The following CAMTA1 variants were observed in gnomAD, a reference collection of about 807,000 sequenced individuals.
CAMTA1 encodes calmodulin binding transcription activator 1.
Under a neutral mutation model 170.9 loss-of-function variants are expected in CAMTA1, and 27 were observed. That is an observed-to-expected ratio of 0.16 (90% CI 0.12 to 0.22). CAMTA1 has a LOEUF of 0.22. CAMTA1 is among the 10% of genes least tolerant of loss of function. CAMTA1 has a pLI of 1.00. For synonymous variants in CAMTA1, 833 were observed against 891.5 expected (o/e 0.93, Z 1.17); for missense variants, 1,619 against 2,217.2 (o/e 0.73, Z 5.42).
chr1:6,912,238 A>C (rs1389209231), intron 3 of CAMTA1, among the ~76,000 whole-genome samples: 1 of 152,230 alleles, frequency 6.6e-6, no homozygotes, highest in Non-Finnish European at 1.5e-5. Flanking sequence ...AATGGAGTTC[A>C]TTGGCTTGAG....
At chr1:7,538,918 T>C (rs920827208) in intron 6 of CAMTA1, among the ~76,000 whole-genome samples, 17 of 152,146 alleles carry the variant, frequency 1.1e-4, no homozygotes, top group African/African-American at 4.1e-4. Flanking sequence ...TTCCTGAAAA[T>C]GTACCCAAGC....
At position 7,748,215 on chromosome 1, in the gene CAMTA1, G is replaced by C. The variant is rs937418034; in HGVS notation, c.4689+434G>C. Reference sequence around the variant, plus strand: ...GCATGAGCCGCAGCGCCCGGCCAGAGACTTAATTTGAACTGCCATGATAAA... The same window carrying C: ...GCATGAGCCGCAGCGCCCGGCCAGACACTTAATTTGAACTGCCATGATAAA... On this transcript the variant is annotated intron_variant, in intron 19 of 22. Transcript: ENST00000303635. This position sits in a 1 kb window ranked among gnomAD's most constrained non-coding sequence, Gnocchi z 4.7. Among the ~76,000 whole-genome samples, 25 of 151,648 alleles carry C rather than the reference G, an allele frequency of 1.6e-4. No individual in the cohort carries two copies. Among genetic ancestry groups the C allele is most frequent in the Non-Finnish European group, 3.2e-4 (22 of 67,948 alleles).
intron 5 of CAMTA1, among the ~76,000 whole-genome samples, chr1:7,262,300 G>A (rs1811131): frequency 0.32 from 49,354 of 151,906 alleles, 8,377 homozygotes; most frequent in South Asian, 0.54. Flanking sequence ...GGTGGCTCAC[G>A]TCTGTAATCC....
At chr1:6,790,596 G>A (rs952709265) in intron 1 of CAMTA1, among the ~76,000 whole-genome samples, 12 of 151,734 alleles carry the variant, frequency 7.9e-5, no homozygotes, top group Admixed American at 5.3e-4. Context: ...TTTTTTCTTC[G>A]GATTAACTGG....
chr1:7,097,270 G>A (rs970408412), intron 4 of CAMTA1, among the ~76,000 whole-genome samples: 3 of 152,250 alleles, frequency 2.0e-5, no homozygotes, highest in African/African-American at 7.2e-5. Flanking sequence ...CACAGCCTGT[G>A]TGCAGGGAGG....
chr1:7,405,507 A>G (rs2090223065), intron 5 of CAMTA1, among the ~76,000 whole-genome samples: 1 of 151,318 alleles, frequency 6.6e-6, no homozygotes, highest in African/African-American at 2.4e-5. Flanking sequence ...AATAGTTGAT[A>G]CTACAGGCAT....
At chr1:7,387,806 A>G (rs984498588) in intron 5 of CAMTA1, among the ~76,000 whole-genome samples, 2 of 152,214 alleles carry the variant, frequency 1.3e-5, no homozygotes, top group Admixed American at 1.3e-4. Context: ...GTCAGAAGGA[A>G]TTTCCAGCAA....
At chr1:7,571,185 C>T (rs2095121361) in intron 6 of CAMTA1, among the ~76,000 whole-genome samples, 2 of 152,206 alleles carry the variant, frequency 1.3e-5, no homozygotes, top group Admixed American at 1.3e-4. Context: ...ATCAAGGTCC[C>T]AGTAGACTTA....
rs530128738 is a variant in CAMTA1 at position 7,393,478 on chromosome 1, A to G, written c.439-74352A>G. Among the ~76,000 whole-genome samples the G allele has an allele frequency of 5.9e-5, 9 of 152,096 alleles. No individual in the cohort carries two copies. In the South Asian group the frequency reaches 6.2e-4, roughly 11 times the overall value. On this transcript the variant is annotated intron_variant, in intron 5 of 22. Coordinates refer to ENST00000303635, the MANE Select transcript of CAMTA1 (RefSeq NM_015215.4). ...TTTTTTGTAGAGATAGGGTCTCCCT[A>G]TGTTGCCCAGGCTGGTCTCCAACTC...
At chr1:7,328,332 C>CA (rs1022228610) in intron 5 of CAMTA1, among the ~76,000 whole-genome samples, 7 of 132,174 alleles carry the variant, frequency 5.3e-5, no homozygotes, top group East Asian at 2.4e-4. Context: ...TTCTTACAAG[C>CA]AAAAAAAAAT....
At chr1:6,848,859 G>A (rs181373426) in intron 3 of CAMTA1, among the ~76,000 whole-genome samples, 2 of 152,156 alleles carry the variant, frequency 1.3e-5, no homozygotes, top group East Asian at 3.9e-4. Flanking sequence ...TAGATGAAGA[G>A]GAGAGGGAGA....
Position 7,209,437 on chromosome 1 carries a change from T to G in CAMTA1, c.303-40054T>G, listed in dbSNP as rs573009308. 1.3e-4 allele frequency among the ~76,000 whole-genome samples: 20 copies of G among 152,336 alleles called. No homozygotes were observed. The South Asian group carries it at 3.9e-3, about 30-fold the overall frequency. ...TGGGGTTGATTCATATCTGAGGCTG[T>G]GTGAGTAAAAGGAGTCTCACCCTTG... On this transcript the variant is annotated intron_variant, in intron 4 of 22. Coordinates refer to ENST00000303635, the MANE Select transcript of CAMTA1 (RefSeq NM_015215.4).
intron 3 of CAMTA1, among the ~76,000 whole-genome samples, chr1:7,068,428 G>A (rs1469407283): frequency 6.6e-6 from 1 of 151,828 alleles, no homozygotes; most frequent in African/African-American, 2.4e-5. Flanking sequence ...TAAATTTGGT[G>A]ACTACCCACG....
At chr1:6,898,507 C>T (rs557067147) in intron 3 of CAMTA1, among the ~76,000 whole-genome samples, 11 of 152,252 alleles carry the variant, frequency 7.2e-5, no homozygotes, top group South Asian at 4.2e-4. Flanking sequence ...GAGCTGAGAT[C>T]GCACCACTAT....
intron 4 of CAMTA1, among the ~76,000 whole-genome samples, chr1:7,109,292 C>G (rs1221648300): frequency 6.6e-6 from 1 of 152,218 alleles, no homozygotes; most frequent in African/African-American, 2.4e-5. Flanking sequence ...CCCTCAGATG[C>G]TGCTGCCGCA....
At chr1:6,911,479 C>T (rs1032343608) in intron 3 of CAMTA1, among the ~76,000 whole-genome samples, 2 of 152,204 alleles carry the variant, frequency 1.3e-5, no homozygotes, top group African/African-American at 4.8e-5. Flanking sequence ...TGTGCAGTGT[C>T]TTCCTGTGTT....
At chr1:7,407,180 A>T (rs1288566624) in intron 5 of CAMTA1, among the ~76,000 whole-genome samples, 1 of 152,150 alleles carries the variant, frequency 6.6e-6, no homozygotes, top group African/African-American at 2.4e-5. Context: ...TAGTGATAAT[A>T]TGCTCCTTCC....
intron 4 of CAMTA1, among the ~76,000 whole-genome samples, chr1:7,196,667 G>T (rs1655587260): frequency 6.6e-6 from 1 of 152,164 alleles, no homozygotes; most frequent in Non-Finnish European, 1.5e-5. Context: ...GAGGGCAAAA[G>T]AAATTGCTAA....
At chr1:7,568,655 C>T (rs918399061) in intron 6 of CAMTA1, among the ~76,000 whole-genome samples, 14 of 151,308 alleles carry the variant, frequency 9.3e-5, no homozygotes, top group Non-Finnish European at 1.2e-4. Context: ...CATCCATCAA[C>T]ATCGCCATCA....
Sources: gnomAD v4.1 joint callset for allele counts (sites outside exome capture counted in the v4.1 genomes callset) on GRCh38, gnomAD v4.1.1 for gene constraint, Gnocchi (gnomAD v3.1) non-coding constraint, MANE v1.5 for transcripts, NCBI Gene and HGNC (gene_info 2026-07-23, HGNC 2026-07-21) for gene names.